Variants in PLCB1 observed in about 807,000 individuals in gnomAD.
PLCB1 encodes phospholipase C beta 1, also known as 1-phosphatidylinositol 4,5-bisphosphate phosphodiesterase beta-1.
Under a neutral mutation model 161.8 loss-of-function variants are expected in PLCB1, and 46 were observed. The ratio of observed to expected loss-of-function variants is 0.28; its 90% CI spans 0.22 to 0.36. PLCB1 has a LOEUF of 0.36. Ranked by LOEUF, PLCB1 falls within the 10% of genes least tolerant of loss-of-function variation. The pLI is 1.00. For missense variants in PLCB1, 1,016 were observed against 1,472.5 expected, an observed-to-expected ratio of 0.69 and a Z score of 5.07; for synonymous variants, 517 against 503.7, an observed-to-expected ratio of 1.03 and a Z score of -0.35.
chr20:8,463,469 T>TA (rs1481453813), intron 3 of PLCB1, among the ~76,000 whole-genome samples: 13 of 152,050 alleles, frequency 8.5e-5, no homozygotes, highest in Non-Finnish European at 1.8e-4. Context: ...TGGACTTCTT[T>TA]AAAAAAAGAA....
intron 31 of PLCB1, among the ~76,000 whole-genome samples, chr20:8,816,145 TACAGCTA>T (rs1426159250): frequency 5.3e-5 from 8 of 152,106 alleles, no homozygotes; most frequent in African/African-American, 1.9e-4. Context: ...AACCAGGAGA[TACAGCTA>T]AGTGCCCAGA....
At chr20:8,703,004 G>T (rs527747407) in intron 11 of PLCB1, among the ~76,000 whole-genome samples, 3 of 152,144 alleles carry the variant, frequency 2.0e-5, no homozygotes, top group Admixed American at 6.5e-5. Context: ...ATGGGGAGAG[G>T]TGGACAGAGA....
chr20:8,566,879 C>T (rs1401893454), intron 3 of PLCB1, among the ~76,000 whole-genome samples: 3 of 151,450 alleles, frequency 2.0e-5, no homozygotes, highest in Admixed American at 2.0e-4. Context: ...ATTCTGTGAC[C>T]CTACTGGCAA....
intron 3 of PLCB1, among the ~76,000 whole-genome samples, chr20:8,578,849 G>A (rs755636381): frequency 2.0e-5 from 3 of 152,166 alleles, no homozygotes; most frequent in Non-Finnish European, 4.4e-5. Context: ...TCACAAGTGA[G>A]TATGTTAATA....
intron 31 of PLCB1, among the ~76,000 whole-genome samples, chr20:8,797,286 A>G (rs573598210): frequency 1.3e-5 from 2 of 150,890 alleles, no homozygotes; most frequent in East Asian, 3.9e-4. Context: ...CAGTTTTTCT[A>G]TAGTGTGTCT....
At chr20:8,436,156 C>T (rs753822772) in intron 3 of PLCB1, among the ~76,000 whole-genome samples, 13 of 151,846 alleles carry the variant, frequency 8.6e-5, no homozygotes, top group Non-Finnish European at 1.6e-4. Context: ...CTGGCCATGA[C>T]GAAACCTGTC....
At chr20:8,375,799 A>G (rs1987055310) in intron 3 of PLCB1, among the ~76,000 whole-genome samples, 2 of 152,138 alleles carry the variant, frequency 1.3e-5, no homozygotes, top group South Asian at 4.1e-4. Flanking sequence ...TAGGTATGTA[A>G]GTTCCGTTAG....
chr20:8,517,008 T>G (rs564851455), intron 3 of PLCB1, among the ~76,000 whole-genome samples: 1 of 152,100 alleles, frequency 6.6e-6, no homozygotes, highest in Admixed American at 6.5e-5. Context: ...AGGAGTGAGT[T>G]TAACCACTGG....
intron 31 of PLCB1, among the ~76,000 whole-genome samples, chr20:8,861,709 A>G (rs1200061470): frequency 7.0e-6 from 1 of 143,538 alleles, no homozygotes; most frequent in Admixed American, 7.2e-5. Context: ...CAGCCTGGTG[A>G]CAGAGTGAGA....
chr20:8,823,970 C>G (rs1985561960), intron 31 of PLCB1, among the ~76,000 whole-genome samples: 1 of 149,736 alleles, frequency 6.7e-6, no homozygotes, highest in Non-Finnish European at 1.5e-5. Flanking sequence ...TTGTCAGCAT[C>G]TCACAGGGTT....
intron 3 of PLCB1, among the ~76,000 whole-genome samples, chr20:8,389,308 CTA>C (rs760310286): frequency 1.4e-3 from 210 of 152,308 alleles, no homozygotes; most frequent in Non-Finnish European, 1.7e-3. Context: ...AATCAAGATT[CTA>C]TGTCATTTAT....
chr20:8,584,853 AC>A (rs1986941542), intron 3 of PLCB1, among the ~76,000 whole-genome samples: 1 of 151,674 alleles, frequency 6.6e-6, no homozygotes, highest in African/African-American at 2.4e-5. Flanking sequence ...ACCACACCTG[AC>A]TAATTTTTGT....
intron 9 of PLCB1, among the ~76,000 whole-genome samples, chr20:8,682,534 T>C (rs1273915072): frequency 6.6e-6 from 1 of 152,214 alleles, no homozygotes; most frequent in African/African-American, 2.4e-5. Flanking sequence ...AATTTAGCTA[T>C]TGAGTTTCCA....
chr20:8,842,777 G>T (rs1416757254), intron 31 of PLCB1, among the ~76,000 whole-genome samples: 2 of 152,170 alleles, frequency 1.3e-5, no homozygotes, highest in African/African-American at 4.8e-5. Flanking sequence ...GGATTTTCAC[G>T]ATACTTTTCC....
At chr20:8,671,492 C>T (rs1413018640) in intron 9 of PLCB1, among the ~76,000 whole-genome samples, 3 of 152,070 alleles carry the variant, frequency 2.0e-5, no homozygotes, top group African/African-American at 7.2e-5. Context: ...TAAATTAAGT[C>T]GGGAAAAGAA....
intron 31 of PLCB1, among the ~76,000 whole-genome samples, chr20:8,810,781 T>C (rs1035736200): frequency 6.6e-6 from 1 of 152,130 alleles, no homozygotes; most frequent in Non-Finnish European, 1.5e-5. Context: ...CTGGGCAACA[T>C]GGCAAAACCC....
intron 2 of PLCB1, among the ~76,000 whole-genome samples, chr20:8,179,580 G>A (rs968263216): frequency 2.6e-5 from 4 of 152,058 alleles, no homozygotes; most frequent in Non-Finnish European, 5.9e-5. Context: ...AAATCATATC[G>A]TCTGCAAACT....
chr20:8,578,885 C>G (rs1986752928), intron 3 of PLCB1, among the ~76,000 whole-genome samples: 1 of 151,970 alleles, frequency 6.6e-6, no homozygotes, highest in Non-Finnish European at 1.5e-5. Flanking sequence ...ATATACAGAC[C>G]CGAGTAAATT....
intron 2 of PLCB1, 27 bp downstream of exon 2, chr20:8,150,398 C>G: frequency 9.1e-7 from 1 of 1,099,692 alleles, no homozygotes; most frequent in Non-Finnish European, 1.3e-6. Flanking sequence ...GCCTTTCTTA[C>G]ATTTTTCAGT....
Sources: allele counts gnomAD v4.1 joint callset (sites outside exome capture counted in the v4.1 genomes callset), GRCh38; gene constraint gnomAD v4.1.1; transcripts MANE v1.5; gene names NCBI Gene and HGNC (gene_info 2026-07-23, HGNC 2026-07-21).